The following PPP4R1 variants were observed in gnomAD, a reference collection of about 807,000 sequenced individuals.
PPP4R1 encodes serine/threonine-protein phosphatase 4 regulatory subunit 1.
PPP4R1 carries 42 observed loss-of-function variants against 111.2 expected under a neutral mutation model. That is an observed-to-expected ratio of 0.38 (90% CI 0.29 to 0.49). The LOEUF (loss-of-function observed/expected upper bound fraction) is 0.49. Among genes scored for constraint, PPP4R1 ranks in the 20% least tolerant of loss-of-function variants. The probability of loss-of-function intolerance (pLI) is 0.97; values close to 1 mark genes in which losing one functional copy is unlikely to be tolerated. For missense variants in PPP4R1, 1,012 were observed against 1,161.6 expected (o/e 0.87, Z 1.87); for synonymous variants, 409 against 405.5 (o/e 1.01, Z -0.10).
At chr18:9,615,519 A>AT (rs2067678357), upstream of PPP4R1, among the ~76,000 whole-genome samples, 2 of 152,238 alleles carry the variant, frequency 1.3e-5, no homozygotes, top group Non-Finnish European at 2.9e-5. Context: ...TAAAGTCTGT[A>AT]TCCCAGACTT....
chr18:9,577,486 G>A (rs544006792), intron 9 of PPP4R1, among the ~76,000 whole-genome samples: 2 of 152,262 alleles, frequency 1.3e-5, no homozygotes, highest in South Asian at 4.1e-4. Flanking sequence ...GCAACATGGC[G>A]AAATCCAGTC....
chr18:9,586,730 T>C (rs1487841416), intron 6 of PPP4R1, among the ~76,000 whole-genome samples: 2 of 152,270 alleles, frequency 1.3e-5, no homozygotes, highest in African/African-American at 4.8e-5. Flanking sequence ...TATTTTAGGC[T>C]TAAGGAGTGA....
rs570882885 is a variant in PPP4R1, at chr18:9,557,793, A to G, written c.2029-411T>C. Among the ~76,000 whole-genome samples the G allele has an allele frequency of 7.9e-4, 120 of 151,406 alleles. 1 individual carries two copies. The highest frequency in any genetic ancestry group is 2.9e-3 in the African/African-American group (118 of 41,034). ...TGCACATGGCTTTGTTATTACTCCT[A>G]AGCTCTTCCATACATAATTTCCTGT... On this transcript the variant is annotated intron_variant, in intron 14 of 19. Transcript: ENST00000400556.
Position 9,548,076 on chromosome 18 carries a change from A to G in PPP4R1, c.2690-124T>C, listed in dbSNP as rs915620073. 6.3e-6 allele frequency: 6 copies of G among 944,946 alleles called. No individual in the cohort carries two copies. In the African/African-American group the frequency reaches 9.9e-5, roughly 16 times the overall value. The allele number at this position is 944,946 out of a possible 1,614,324, so 58.5% of individuals were successfully genotyped here. On this transcript the variant is annotated intron_variant, in intron 19 of 19. Coordinates refer to ENST00000400556, the MANE Select transcript of PPP4R1 (RefSeq NM_001042388.3). ...ACAAGTACAAACAAGCCACACTGAAACATAAACAGTAATCCAAACTGATTT... is the reference window on the plus strand; with the variant it reads ...ACAAGTACAAACAAGCCACACTGAAGCATAAACAGTAATCCAAACTGATTT...
At chr18:9,548,286 A>G (rs953872011) in intron 19 of PPP4R1, among the ~76,000 whole-genome samples, 2 of 151,902 alleles carry the variant, frequency 1.3e-5, no homozygotes, top group African/African-American at 4.8e-5. Flanking sequence ...CAACTACAAA[A>G]AAAAAAAAAG....
intron 12 of PPP4R1, 159 bp downstream of exon 12, chr18:9,563,219 G>T (rs1174174371): frequency 8.3e-7 from 1 of 1,206,874 alleles, no homozygotes; most frequent in Non-Finnish European, 1.1e-6. Flanking sequence ...ACGAGGACAG[G>T]ATGTGATGAA....
At chr18:9,556,436 G>A (rs931376056) in intron 15 of PPP4R1, among the ~76,000 whole-genome samples, 1 of 152,002 alleles carries the variant, frequency 6.6e-6, no homozygotes, top group African/African-American at 2.4e-5. Flanking sequence ...CAAGTGATCT[G>A]CCCGCCTCAG....
rs559690428 is a variant in PPP4R1, at chr18:9,592,704, A to ACC, written c.295+1063_295+1064insGG. Among the ~76,000 whole-genome samples the ACC allele has an allele frequency of 5.9e-5, 9 of 152,242 alleles. No homozygotes were observed. The South Asian group carries it at 1.7e-3, about 28-fold the overall frequency. On this transcript the variant is annotated intron_variant, in intron 4 of 19. Coordinates refer to ENST00000400556, the MANE Select transcript of PPP4R1 (RefSeq NM_001042388.3). ...AAAAAAAAAACTCTGGAGCTGGTAAACAGGTAAAGGAAAACACAAATCTAT... is the reference window on the plus strand; with the variant it reads ...AAAAAAAAAACTCTGGAGCTGGTAAACCCAGGTAAAGGAAAACACAAATCTAT...
chr18:9,614,294 G>A lies in PPP4R1; in HGVS notation c.8-24C>T. 7.9e-7 allele frequency: 1 copy of A among 1,269,950 alleles called. No homozygotes were observed. 78.7% of individuals were successfully genotyped at this position (1,269,950 alleles called of 1,614,324 possible). On this transcript the variant is annotated intron_variant, in intron 1 of 19. Coordinates refer to ENST00000400556, the MANE Select transcript of PPP4R1 (RefSeq NM_001042388.3). The surrounding 1 kb of genome is among the most constrained non-coding windows in gnomAD (Gnocchi z 4.1). The stretch of plus-strand genomic sequence containing the variant: ...GTCTGCGCCGAGGGGAGAGAAGAAA[G>A]GCCCGGTCAGCGCCCCGGGGCCCGG...
In PPP4R1 at chr18:9,584,508, T is replaced by C. The variant is rs1236953583; in HGVS notation, c.759+7A>G. On this transcript the variant is annotated splice_region_variant and intron_variant, in intron 8 of 19. Transcript: ENST00000400556. The stretch of plus-strand genomic sequence containing the variant: ...ACTGTTTACTCCTTTATATCTGCAA[T>C]ACTTACCAACATTTCTTCAGTAGCT... 2 of 1,612,040 alleles carry C rather than the reference T, an allele frequency of 1.2e-6. No homozygotes were observed. Among genetic ancestry groups the C allele is most frequent in the African/African-American group, 2.7e-5 (2 of 74,954 alleles).
chr18:9,587,493 C>T (rs2067139588), intron 6 of PPP4R1: 1 of 151,430 alleles, frequency 6.6e-6, no homozygotes, highest in African/African-American at 2.4e-5. Context: ...ACCTCTGTCT[C>T]CCAGGTTCAA....
chr18:9,581,149 C>G (rs2067022459), intron 9 of PPP4R1, among the ~76,000 whole-genome samples: 1 of 143,468 alleles, frequency 7.0e-6, no homozygotes. Flanking sequence ...CAACTCTCAA[C>G]AAAACATTAC....
intron 10 of PPP4R1, among the ~76,000 whole-genome samples, chr18:9,574,486 AT>A (rs562024032): frequency 6.6e-6 from 1 of 152,140 alleles, no homozygotes. Context: ...TGTGCTAATA[AT>A]TTTTTTTCAT....
At chr18:9,579,783 G>C (rs1297171307) in intron 9 of PPP4R1, among the ~76,000 whole-genome samples, 1 of 152,134 alleles carries the variant, frequency 6.6e-6, no homozygotes, top group Non-Finnish European at 1.5e-5. Context: ...GTAATCTAGA[G>C]ACGATTTACA....
intron 11 of PPP4R1, 110 bp downstream of exon 11, chr18:9,570,047 G>A: frequency 8.2e-7 from 1 of 1,218,332 alleles, no homozygotes. Context: ...ACTGTGCCCA[G>A]TCCATAATAC....
At chr18:9,614,857 G>C (rs1288147726), upstream of PPP4R1, 1 of 150,100 alleles carries the variant, frequency 6.7e-6, no homozygotes, top group African/African-American at 2.4e-5. The surrounding 1 kb of genome is among the most constrained non-coding windows in gnomAD (Gnocchi z 4.1). Context: ...ACCTGCCGCC[G>C]GCCGGGACCC....
At chr18:9,564,349 ACAAT>A (rs2066725924) in intron 11 of PPP4R1, among the ~76,000 whole-genome samples, 1 of 152,236 alleles carries the variant, frequency 6.6e-6, no homozygotes, top group Non-Finnish European at 1.5e-5. Context: ...TTTAAACAAA[ACAAT>A]CAGTAACTAT....
In PPP4R1 at chr18:9,584,571, C is replaced by T. The variant is rs1278592208; in HGVS notation, c.703G>A (p.Ala235Thr). The change falls in exon 8 of 20, where the codon GCC becomes ACC. Residue 235 changes from alanine to threonine, a missense_variant. Ala to Thr is a moderately conservative substitution (Grantham distance 58). Around this residue, in one of 2 missense-constraint regions of PPP4R1, gnomAD observed 707 missense variants for 742.1 expected, o/e 0.95. Coordinates refer to ENST00000400556, the MANE Select transcript of PPP4R1 (RefSeq NM_001042388.3). Reference sequence around the variant, plus strand: ...ACACTGCAAATATCTCCAAAATTGGCAGCACAGACCTGACAACAAAAGCAT... The same window carrying T: ...ACACTGCAAATATCTCCAAAATTGGTAGCACAGACCTGACAACAAAAGCAT... The part of the protein sequence containing the change: ...RMFHVRKVCA[A>T]NFGDICSVVG... 6.2e-7 allele frequency: 1 copy of T among 1,611,420 alleles called. No homozygotes were observed. Among genetic ancestry groups the T allele is most frequent in the Non-Finnish European group, 8.5e-7 (1 of 1,179,192 alleles).
chr18:9,577,288 G>T (rs773265845), intron 9 of PPP4R1, 97 bp from the exon 10 acceptor site: 33 of 1,284,334 alleles, frequency 2.6e-5, no homozygotes, highest in Middle Eastern at 1.9e-4. Flanking sequence ...TTCAAATGCC[G>T]AAGTATGTTT....
Sources: gnomAD v4.1 joint callset for allele counts (sites outside exome capture counted in the v4.1 genomes callset) on GRCh38, gnomAD v4.1.1 for gene constraint, gnomAD v4.1.1 regional missense constraint, Gnocchi (gnomAD v3.1) non-coding constraint, MANE v1.5 for transcripts, NCBI Gene and HGNC (gene_info 2026-07-23, HGNC 2026-07-21) for gene names.